DHRSX: variants seen among roughly 807,000 people sequenced by gnomAD.
DHRSX encodes polyprenol dehydrogenase.
In DHRSX, 31 loss-of-function variants were observed where a neutral mutation model predicts 34.0. The observed-to-expected ratio is 0.91, with a 90% CI of 0.69 to 1.23. The LOEUF is 1.23. DHRSX is among the 50% of genes most tolerant of loss of function. DHRSX has a pLI of 0.00. For synonymous variants in DHRSX, 201 were observed against 183.8 expected (o/e 1.09, Z -0.76); for missense variants, 414 against 428.1 (o/e 0.97, Z 0.29).
chrX:2,300,665 T>A (rs2041998877), intron 3 of DHRSX, among the ~76,000 whole-genome samples: 1 of 152,190 alleles, frequency 6.6e-6, no homozygotes. Flanking sequence ...GGACTCCAAG[T>A]TCTTCAGCTT....
intron 6 of DHRSX, 55 bp downstream of exon 6, chrX:2,242,968 T>C: frequency 6.4e-7 from 1 of 1,567,296 alleles, no homozygotes; most frequent in South Asian, 1.1e-5. Context: ...GGGGACCCCC[T>C]TTCCTGTAGC....
chrX:2,489,614 A>T, intron 1 of DHRSX: 1 of 1,612,646 alleles, frequency 6.2e-7, no homozygotes, highest in Non-Finnish European at 8.5e-7. Flanking sequence ...GGCGATGACG[A>T]ACTGCTGCTC....
intron 3 of DHRSX, among the ~76,000 whole-genome samples, chrX:2,309,794 T>C (rs2042142154): frequency 6.6e-6 from 1 of 152,088 alleles, no homozygotes; most frequent in South Asian, 2.1e-4. Context: ...ATGTCTGCAA[T>C]CCCAGCTACG....
At chrX:2,325,212 C>A (rs2042365540) in intron 3 of DHRSX, among the ~76,000 whole-genome samples, 1 of 152,050 alleles carries the variant, frequency 6.6e-6, no homozygotes, top group African/African-American at 2.4e-5. Context: ...TAGACACGTT[C>A]AAGATGGCGG....
intron 3 of DHRSX, among the ~76,000 whole-genome samples, chrX:2,315,496 T>C (rs1316500755): frequency 6.6e-6 from 1 of 152,124 alleles, no homozygotes; most frequent in Non-Finnish European, 1.5e-5. Context: ...GTGAGGTCAT[T>C]TGGGTATACA....
chrX:2,318,236 C>T (rs1252760919), intron 3 of DHRSX, among the ~76,000 whole-genome samples: 2 of 146,436 alleles, frequency 1.4e-5, no homozygotes, highest in African/African-American at 5.0e-5. Flanking sequence ...GATGGTGGTG[C>T]ATGCCTGTAG....
intron 1 of DHRSX, among the ~76,000 whole-genome samples, chrX:2,482,686 TAC>T (rs1261160354): frequency 1.3e-5 from 2 of 152,236 alleles, no homozygotes; most frequent in Non-Finnish European, 2.9e-5. Flanking sequence ...AGCTTGTGGA[TAC>T]AGTTTTGGAA....
intron 3 of DHRSX, among the ~76,000 whole-genome samples, chrX:2,333,649 G>A (rs964330523): frequency 3.3e-5 from 5 of 151,938 alleles, no homozygotes; most frequent in East Asian, 1.9e-4. Flanking sequence ...TCCTGACCTC[G>A]TGATCTGCCC....
intron 1 of DHRSX, among the ~76,000 whole-genome samples, chrX:2,435,082 T>G (rs2043976258): frequency 6.7e-6 from 1 of 149,232 alleles, no homozygotes; most frequent in Admixed American, 6.7e-5. Context: ...TGAGGTAGGA[T>G]GCAGGTTGGT....
At chrX:2,298,612 A>ACACACACACACACACACACACACACACG (rs1569485199) in intron 3 of DHRSX, among the ~76,000 whole-genome samples, 1 of 57,208 alleles carries the variant, frequency 1.7e-5, no homozygotes, top group African/African-American at 5.2e-5. Flanking sequence ...ACACACACAC[A>ACACACACACACACACACACACACACACG]CACACACACA....
chrX:2,316,153 C>T (rs1212660496), intron 3 of DHRSX, among the ~76,000 whole-genome samples: 6 of 152,210 alleles, frequency 3.9e-5, no homozygotes, highest in East Asian at 3.9e-4. Flanking sequence ...TGAGCCACCG[C>T]GCCCGGCCAA....
chrX:2,494,002 T>C (rs1425299899), intron 1 of DHRSX, among the ~76,000 whole-genome samples: 2 of 151,812 alleles, frequency 1.3e-5, no homozygotes, highest in African/African-American at 4.8e-5. Flanking sequence ...AAAAAAGATA[T>C]ATATGCTATT....
At chrX:2,248,409 G>A (rs2016348578) in intron 5 of DHRSX, among the ~76,000 whole-genome samples, 1 of 144,628 alleles carries the variant, frequency 6.9e-6, no homozygotes, top group African/African-American at 2.5e-5. Flanking sequence ...TTCCAGCCTG[G>A]GCGACAGAGC....
At chrX:2,455,853 T>C (rs1000769162) in intron 1 of DHRSX, among the ~76,000 whole-genome samples, 10 of 151,924 alleles carry the variant, frequency 6.6e-5, no homozygotes, top group African/African-American at 2.4e-4. Flanking sequence ...GATTAGTGTC[T>C]TAGGAAATCA....
chrX:2,284,502 T>C (rs1429212931), intron 4 of DHRSX, among the ~76,000 whole-genome samples: 1 of 152,204 alleles, frequency 6.6e-6, no homozygotes, highest in East Asian at 1.9e-4. Flanking sequence ...TCATTGTTAT[T>C]TTTCAGGGTC....
At chrX:2,366,304 G>A (rs1459724378) in intron 3 of DHRSX, among the ~76,000 whole-genome samples, 6 of 151,942 alleles carry the variant, frequency 3.9e-5, no homozygotes, top group Non-Finnish European at 7.4e-5. Context: ...AGCCAGGAGT[G>A]GTTGGGCATG....
intron 6 of DHRSX, among the ~76,000 whole-genome samples, chrX:2,228,867 T>G (rs1284451278): frequency 2.0e-5 from 3 of 152,126 alleles, no homozygotes; most frequent in African/African-American, 7.2e-5. Flanking sequence ...TGCTGGGCTT[T>G]GCAGAAGAGA....
chrX:2,418,483 G>T (rs761186285), intron 2 of DHRSX, among the ~76,000 whole-genome samples: 1 of 152,068 alleles, frequency 6.6e-6, no homozygotes, highest in African/African-American at 2.4e-5. Context: ...ACAAAGAAAT[G>T]GGGTGTTTTC....
intron 1 of DHRSX, among the ~76,000 whole-genome samples, chrX:2,464,017 G>C (rs992232033): frequency 9.2e-5 from 14 of 152,184 alleles, no homozygotes; most frequent in African/African-American, 3.1e-4. Flanking sequence ...ATATGGCTAA[G>C]AGACGGCCAC....
Sources: allele counts gnomAD v4.1 joint callset (sites outside exome capture counted in the v4.1 genomes callset), GRCh38; gene constraint gnomAD v4.1.1; transcripts MANE v1.5; gene names NCBI Gene and HGNC (gene_info 2026-07-23, HGNC 2026-07-21).